Variants in PCDH20 observed in about 807,000 individuals in gnomAD.
The protein encoded by PCDH20 is protocadherin-20.
PCDH20 carries 18 observed loss-of-function variants against 39.7 expected under a neutral mutation model. The observed-to-expected ratio is 0.45, with a 90% confidence interval of 0.31 to 0.67. The LOEUF (loss-of-function observed/expected upper bound fraction) is 0.67, where lower values mean the gene tolerates loss of function less well. PCDH20 is among the 30% of genes least tolerant of loss of function. PCDH20 has a pLI of 0.05. For missense variants in PCDH20, 1,161 were observed against 1,167.4 expected, an observed-to-expected ratio of 0.99 and a Z score of 0.08; for synonymous variants, 495 against 455.4, an observed-to-expected ratio of 1.09 and a Z score of -1.11.
chr13:61,411,567 A>T (rs1215249605), exon 2 of PCDH20: 1 of 1,614,172 alleles, frequency 6.2e-7, no homozygotes. Flanking sequence ...TGACAGTGTC[A>T]TTGACAAATA....
rs371676615 is a variant in PCDH20, at chr13:61,413,638, A to G, written c.461T>C (p.Val154Ala). 3.1e-6 allele frequency: 5 copies of G among 1,614,060 alleles called. No homozygotes were observed. The African/African-American group carries it at 5.3e-5, about 17-fold the overall frequency. Residue 154 changes from valine to alanine, a missense_variant, in exon 2 of 2, where the codon GTT becomes GCT. Physicochemically the swap from Val to Ala is moderately conservative, Grantham distance 64. This residue lies in a region of PCDH20 where 401 missense variants were observed against 368.7 expected (regional missense o/e 1.09). Transcript: ENST00000409204. ...CCACGCAGTCCCTCCACCCCCTTCA[A>G]CACACAGGGCCTCCCTGTCGATCTC...
exon 1 of PCDH20, chr13:61,415,163 T>C (rs1384477137): frequency 1.4e-6 from 2 of 1,416,596 alleles, no homozygotes; most frequent in Non-Finnish European, 9.3e-7. Flanking sequence ...GCGCATTCCC[T>C]GGGAGGCTGC....
chr13:61,411,827 T>C lies in PCDH20; in HGVS notation c.2272A>G (p.Thr758Ala), dbSNP rs998108610. ...TCTGTAACCGGGGAGCCTGGCAGAG[T>C]AGAAGGCAGTACTAACAGATAAGAC... The change falls in exon 2 of 2, where the codon ACT becomes GCT. Residue 758 changes from threonine (T) to alanine (A), a missense_variant. Thr to Ala is a moderately conservative substitution (Grantham distance 58). Around this residue, in one of 3 missense-constraint regions of PCDH20, gnomAD observed 754 missense variants for 777.5 expected, o/e 0.97. Transcript: ENST00000409204. 1.9e-6 allele frequency: 3 copies of C among 1,613,816 alleles called. No individual in the cohort carries two copies. The African/African-American group carries it at 4.0e-5, about 22-fold the overall frequency.
At chr13:61,412,743 C>T (rs777755843) in exon 2 of PCDH20, 6 of 1,613,994 alleles carry the variant, frequency 3.7e-6, no homozygotes, top group African/African-American at 2.7e-5. Flanking sequence ...TGGTGAAAAA[C>T]GCAATGGGAG....
exon 2 of PCDH20, chr13:61,411,720 C>A: frequency 6.2e-7 from 1 of 1,614,184 alleles, no homozygotes; most frequent in Non-Finnish European, 8.5e-7. Context: ...TCCTGAAGGA[C>A]TCAGGCCTAG....
At chr13:61,411,339 G>C (rs1315281307) in exon 2 of PCDH20, 1 of 1,613,800 alleles carries the variant, frequency 6.2e-7, no homozygotes, top group Non-Finnish European at 8.5e-7. Context: ...CATCTTCCCT[G>C]GGATGCTTTT....
At position 61,414,204 on chromosome 13, in the gene PCDH20, C is replaced by G. The variant is rs558928715; in HGVS notation, c.133-238G>C. Among the ~76,000 whole-genome samples, 39 of 152,200 alleles carry G rather than the reference C, an allele frequency of 2.6e-4. No individual in the cohort carries two copies. The East Asian group carries it at 7.2e-3, about 28-fold the overall frequency. The stretch of plus-strand genomic sequence containing the variant: ...ATCCCCTCCGCCCCCGCCTTCCCCC[C>G]TCGTTTCCCCATCACCACCCTCATC... On this transcript the variant is annotated intron_variant, in intron 1 of 1. Coordinates refer to ENST00000409204, the Ensembl canonical transcript of PCDH20.
At chr13:61,412,596 C>T (rs755186457) in exon 2 of PCDH20, 2 of 1,614,102 alleles carry the variant, frequency 1.2e-6, no homozygotes, top group East Asian at 2.2e-5. Flanking sequence ...CTTCATAGAA[C>T]TGCTGTAGCT....
rs766645035 is a variant in PCDH20, at chr13:61,411,973, G to T, written c.2126C>A (p.Thr709Asn). 4 of 1,614,152 alleles carry T rather than the reference G, an allele frequency of 2.5e-6. No homozygotes were observed. In the East Asian group the frequency reaches 8.9e-5, roughly 36 times the overall value. Residue 709 changes from threonine to asparagine, a missense_variant, in exon 2 of 2, where the codon ACT (threonine) becomes AAT (asparagine). Around this residue, in one of 3 missense-constraint regions of PCDH20, gnomAD observed 754 missense variants for 777.5 expected, o/e 0.97. Transcript: ENST00000409204. ...CCCATCAACAGCTTCAACCCACAAA[G>T]TATAGGAGCTTTGCTGCTCTCTGTC...
rs759327160 is a variant in PCDH20 at position 61,413,377 on chromosome 13, A to G, written c.722T>C (p.Ile241Thr). 1 of 1,614,058 alleles carries G rather than the reference A, an allele frequency of 6.2e-7. No homozygotes were observed. The highest frequency in any genetic ancestry group is 8.5e-7 in the Non-Finnish European group (1 of 1,180,010). The change falls in exon 2 of 2, where the codon ATT (isoleucine) becomes ACT (threonine). Residue 241 changes from isoleucine (I) to threonine (T), a missense_variant. Coordinates refer to ENST00000409204, the Ensembl canonical transcript of PCDH20. ...TAAGCGATAGGTCTGTACCCCATTA[A>G]TGCCTACATCTGGGTCCACAGCAGG...
At chr13:61,411,192 A>G in exon 2 of PCDH20, 1 of 1,478,970 alleles carries the variant, frequency 6.8e-7, no homozygotes, top group Non-Finnish European at 9.2e-7. Context: ...TTAGGTGATG[A>G]AGATCCAAAG....
exon 1 of PCDH20, chr13:61,415,139 G>A (rs369069207): frequency 1.4e-5 from 21 of 1,472,606 alleles, no homozygotes; most frequent in Admixed American, 9.3e-5. Context: ...TGAGCTGCGC[G>A]CATTCCCTCG....
At chr13:61,412,757 T>G (rs745372439) in exon 2 of PCDH20, 14 of 1,614,206 alleles carry the variant, frequency 8.7e-6, no homozygotes, top group Non-Finnish European at 1.1e-5. Flanking sequence ...ATGGGAGTGT[T>G]AACGGGTTCC....
At chr13:61,412,854 G>C in exon 2 of PCDH20, 1 of 1,613,918 alleles carries the variant, frequency 6.2e-7, no homozygotes, top group Non-Finnish European at 8.5e-7. Flanking sequence ...CTTTAATAAT[G>C]GACACAAGAG....
rs373300470 is a variant in PCDH20, at chr13:61,411,764, C to T, written c.2335G>A (p.Val779Ile). The change falls in exon 2 of 2, where the codon GTC (valine) becomes ATC (isoleucine). Residue 779 changes from valine to isoleucine, a missense_variant. Val to Ile is a conservative substitution (Grantham distance 29). Coordinates refer to ENST00000409204, the Ensembl canonical transcript of PCDH20. Reference sequence around the variant, plus strand: ...CTCCCTATGATGCTGTAAGCTATGACAGCATTCATGCCTGTGTCTTTGTCG... The same window carrying T: ...CTCCCTATGATGCTGTAAGCTATGATAGCATTCATGCCTGTGTCTTTGTCG... 1.2e-5 allele frequency: 19 copies of T among 1,614,036 alleles called. No homozygotes were observed. Among genetic ancestry groups the T allele is most frequent in the Non-Finnish European group, 1.5e-5 (18 of 1,180,042 alleles).
At chr13:61,411,110 C>A (rs1878235317) in exon 2 of PCDH20, 1 of 740,860 alleles carries the variant, frequency 1.3e-6, no homozygotes, top group South Asian at 2.1e-5. Context: ...AACCTGTAAA[C>A]AGCTATTTAC....
exon 2 of PCDH20, chr13:61,412,665 T>C: frequency 6.2e-7 from 1 of 1,614,092 alleles, no homozygotes; most frequent in East Asian, 2.2e-5. Context: ...GTTTGTAAGG[T>C]GATAACCTAA....
In PCDH20 at chr13:61,414,721, G is replaced by A. The variant is rs562850150; in HGVS notation, c.132+306C>T. 3.3e-5 allele frequency among the ~76,000 whole-genome samples: 5 copies of A among 152,248 alleles called. No individual in the cohort carries two copies. In the East Asian group the frequency reaches 9.7e-4, roughly 30 times the overall value. Reference sequence around the variant, plus strand: ...TTGTCAATTGCAGTAGGCATTCATAGCCAGACGCCAGCAGCAGGAAACGAT... The same window carrying A: ...TTGTCAATTGCAGTAGGCATTCATAACCAGACGCCAGCAGCAGGAAACGAT... On this transcript the variant is annotated intron_variant, in intron 1 of 1. Transcript: ENST00000409204.
chr13:61,412,883 T>G (rs1871432041), exon 2 of PCDH20: 2 of 1,613,992 alleles, frequency 1.2e-6, no homozygotes, highest in Non-Finnish European at 1.7e-6. Context: ...ACAGCAGGGA[T>G]GCAGCCTGGT....
Sources: allele counts gnomAD v4.1 joint callset (sites outside exome capture counted in the v4.1 genomes callset), GRCh38; gene constraint gnomAD v4.1.1; regional missense constraint gnomAD v4.1.1; transcripts MANE v1.5; gene names NCBI Gene and HGNC (gene_info 2026-07-23, HGNC 2026-07-21).